The following SAMD4A variants were observed in gnomAD, a reference collection of about 807,000 sequenced individuals.
The protein encoded by SAMD4A is sterile alpha motif domain containing 4A, also known as protein Smaug homolog 1.
In SAMD4A, 33 loss-of-function variants were observed where a neutral mutation model predicts 81.3. That is an observed-to-expected ratio of 0.41 (90% confidence interval 0.31 to 0.54). The LOEUF is 0.54. Among genes scored for constraint, SAMD4A ranks in the 20% least tolerant of loss-of-function variants. The probability of loss-of-function intolerance (pLI) is 0.37; values close to 1 mark genes in which losing one functional copy is unlikely to be tolerated. For synonymous variants in SAMD4A, 389 were observed against 382.1 expected, an observed-to-expected ratio of 1.02 and a Z score of -0.21; for missense variants, 854 against 951.1, an observed-to-expected ratio of 0.90 and a Z score of 1.34.
At chr14:54,716,768 G>C (rs2037129111) in intron 3 of SAMD4A, among the ~76,000 whole-genome samples, 1 of 152,152 alleles carries the variant, frequency 6.6e-6, no homozygotes, top group African/African-American at 2.4e-5. Context: ...GATTATTTAA[G>C]TATTAAGTAT....
chr14:54,768,570 G>A (rs1156703344), intron 8 of SAMD4A, among the ~76,000 whole-genome samples: 3 of 152,172 alleles, frequency 2.0e-5, no homozygotes, highest in African/African-American at 4.8e-5. Context: ...ACAACATGTG[G>A]CTGAATAAGC....
chr14:54,626,835 A>G (rs2034775320), intron 2 of SAMD4A, among the ~76,000 whole-genome samples: 1 of 152,198 alleles, frequency 6.6e-6, no homozygotes, highest in African/African-American at 2.4e-5. Context: ...ACTTCATTTG[A>G]TCTCATAATT....
chr14:54,669,067 A>G (rs2035816205), intron 2 of SAMD4A, among the ~76,000 whole-genome samples: 1 of 152,250 alleles, frequency 6.6e-6, no homozygotes, highest in Non-Finnish European at 1.5e-5. Flanking sequence ...TAAATTGAGG[A>G]GAAATACCAC....
At chr14:54,725,654 A>T (rs954135206) in intron 3 of SAMD4A, among the ~76,000 whole-genome samples, 1 of 152,266 alleles carries the variant, frequency 6.6e-6, no homozygotes, top group Non-Finnish European at 1.5e-5. Flanking sequence ...ATACCAAGTT[A>T]TTCTTACTCT....
intron 2 of SAMD4A, among the ~76,000 whole-genome samples, chr14:54,670,936 G>A (rs922789543): frequency 1.3e-5 from 2 of 152,172 alleles, no homozygotes; most frequent in Admixed American, 1.3e-4. Flanking sequence ...ATTCCAGCAG[G>A]AGATCCCTTA....
At chr14:54,700,450 A>C (rs974969053) in intron 2 of SAMD4A, among the ~76,000 whole-genome samples, 3 of 152,202 alleles carry the variant, frequency 2.0e-5, no homozygotes, top group Non-Finnish European at 2.9e-5. Context: ...AGTCTTGAGA[A>C]GCATTGCAGC....
At chr14:54,759,246 T>TA (rs1251463714) in intron 6 of SAMD4A, among the ~76,000 whole-genome samples, 1 of 152,224 alleles carries the variant, frequency 6.6e-6, no homozygotes, top group Non-Finnish European at 1.5e-5. Context: ...TTTCCCATCT[T>TA]AGACTAGATT....
At chr14:54,702,680 C>T in intron 3 of SAMD4A, 100 bp downstream of exon 3, 1 of 1,387,866 alleles carries the variant, frequency 7.2e-7, no homozygotes, top group Non-Finnish European at 9.9e-7. Context: ...CCCTGTGACC[C>T]TGGGAGAGAA....
At chr14:54,711,047 G>A (rs2036978070) in intron 3 of SAMD4A, among the ~76,000 whole-genome samples, 1 of 152,124 alleles carries the variant, frequency 6.6e-6, no homozygotes, top group Admixed American at 6.5e-5. Flanking sequence ...ATAAGAGATG[G>A]CATGTGAGCT....
chr14:54,594,625 T>G (rs941591818), intron 2 of SAMD4A, among the ~76,000 whole-genome samples: 5 of 152,200 alleles, frequency 3.3e-5, no homozygotes, highest in African/African-American at 7.2e-5. Context: ...GCCCAAATTT[T>G]TATTAGTATT....
At chr14:54,657,022 C>T (rs1226077554) in intron 2 of SAMD4A, among the ~76,000 whole-genome samples, 1 of 151,956 alleles carries the variant, frequency 6.6e-6, no homozygotes, top group East Asian at 1.9e-4. Context: ...AACTATTTTA[C>T]AGTGGAAGCC....
chr14:54,634,739 G>A (rs1035921155), intron 2 of SAMD4A, among the ~76,000 whole-genome samples: 3 of 150,892 alleles, frequency 2.0e-5, no homozygotes, highest in African/African-American at 7.3e-5. Flanking sequence ...CTGTCTGTCT[G>A]TCTGTCTGTC....
At chr14:54,684,604 A>ACCC (rs2036206777) in intron 2 of SAMD4A, among the ~76,000 whole-genome samples, 1 of 69,390 alleles carries the variant, frequency 1.4e-5, no homozygotes, top group African/African-American at 3.7e-5. Context: ...CATTGGCCAG[A>ACCC]CACCCCCGCC....
chr14:54,702,095 A>T lies in SAMD4A; in HGVS notation c.230A>T (p.Asp77Val), dbSNP rs1202319783. The T allele has an allele frequency of 6.2e-7, 1 of 1,614,026 alleles. No individual in the cohort carries two copies. The highest frequency in any genetic ancestry group is 8.5e-7 in the Non-Finnish European group (1 of 1,180,014). The change falls in exon 3 of 13, where the codon GAT (aspartate) becomes GTT (valine). Residue 77 changes from aspartate to valine, a missense_variant. By Grantham distance (152) the Asp-to-Val change is radical. This residue lies in a region of SAMD4A where 387 missense variants were observed against 405.8 expected (regional missense o/e 0.95). Transcript: ENST00000554335. ...AACCAATGGCAACAGGAATCCAAGG[A>T]TAAAGTGATTTCCCTCCTGTTAACT... ...IINQWQQESK[D>V]KVISLLLTHL... is the part of the protein sequence containing the mutation.
intron 3 of SAMD4A, among the ~76,000 whole-genome samples, chr14:54,704,508 C>G (rs1407968312): frequency 3.3e-5 from 5 of 152,178 alleles, no homozygotes; most frequent in South Asian, 2.1e-4. Context: ...AGATGGTTAT[C>G]AGGTTGTAGT....
At position 54,728,196 on chromosome 14, in the gene SAMD4A, G is replaced by A. The variant is rs564265369; in HGVS notation, c.716-8828G>A. ...ATTACGTAAATGCTGTTTCTCTGGG[G>A]CAGAGAAGAACGGTACGGTTTAAAT... On this transcript the variant is annotated intron_variant, in intron 3 of 12. Coordinates refer to ENST00000554335, the MANE Select transcript of SAMD4A (RefSeq NM_015589.6). Among the ~76,000 whole-genome samples the A allele has an allele frequency of 7.9e-5, 12 of 152,272 alleles. 1 individual carries two copies. Among genetic ancestry groups the A allele is most frequent in the Admixed American group, 6.5e-4 (10 of 15,286 alleles).
intron 2 of SAMD4A, among the ~76,000 whole-genome samples, chr14:54,572,381 G>C (rs547026834): frequency 9.8e-5 from 15 of 152,294 alleles, no homozygotes; most frequent in Admixed American, 2.0e-4. Flanking sequence ...AGATTGTAAA[G>C]AGGGGTCAAG....
At chr14:54,783,461 T>C (rs2039053529) in intron 11 of SAMD4A, among the ~76,000 whole-genome samples, 1 of 152,166 alleles carries the variant, frequency 6.6e-6, no homozygotes, top group African/African-American at 2.4e-5. Context: ...AGAGGCGACA[T>C]TGGAACCTGG....
chr14:54,645,002 G>A (rs913139473), intron 2 of SAMD4A, among the ~76,000 whole-genome samples: 1 of 152,248 alleles, frequency 6.6e-6, no homozygotes, highest in East Asian at 1.9e-4. Flanking sequence ...CTGAAATGGC[G>A]ACCTGAAGTT....
Sources: gnomAD v4.1 joint callset for allele counts (sites outside exome capture counted in the v4.1 genomes callset) on GRCh38, gnomAD v4.1.1 for gene constraint, gnomAD v4.1.1 regional missense constraint, MANE v1.5 for transcripts, NCBI Gene and HGNC (gene_info 2026-07-23, HGNC 2026-07-21) for gene names.